MEGF8: variants seen among roughly 807,000 people sequenced by gnomAD.
The protein encoded by MEGF8 is multiple EGF like domains 8.
MEGF8 carries 156 observed loss-of-function variants against 302.9 expected under a neutral mutation model. That is an observed-to-expected ratio of 0.52 (90% CI 0.45 to 0.59). MEGF8 has a LOEUF of 0.59. Ranked by LOEUF, MEGF8 falls within the 20% of genes least tolerant of loss-of-function variation. MEGF8 has a pLI of 0.00. For synonymous variants in MEGF8, 1,621 were observed against 1,660.5 expected (o/e 0.98, Z 0.58); for missense variants, 3,345 against 3,964.5 (o/e 0.84, Z 4.20).
rs1483494832 is a variant in MEGF8, at chr19:42,375,366, G to A, written c.7270-141G>A. On this transcript the variant is annotated intron_variant, in intron 41 of 41. Transcript: ENST00000251268. The surrounding 1 kb of genome is among the most constrained non-coding windows in gnomAD (Gnocchi z 7.1). Reference sequence around the variant, plus strand: ...GCAGAGAAGGTCCGGGGGGTCACAGGGAAGTGACTGGGGCAGTGGGGGTGA... The same window carrying A: ...GCAGAGAAGGTCCGGGGGGTCACAGAGAAGTGACTGGGGCAGTGGGGGTGA... 2 of 878,512 alleles carry A rather than the reference G, an allele frequency of 2.3e-6. No individual in the cohort carries two copies. Among genetic ancestry groups the A allele is most frequent in the Non-Finnish European group, 3.4e-6 (2 of 590,608 alleles). The allele number at this position is 878,512 out of a possible 1,614,324, so 54.4% of individuals were successfully genotyped here.
intron 3 of MEGF8, 123 bp downstream of exon 3, chr19:42,334,336 G>A (rs1354116761): frequency 3.4e-5 from 28 of 820,264 alleles, no homozygotes; most frequent in East Asian, 8.7e-5. Flanking sequence ...ACCCTCCTCC[G>A]TGACACCCAC....
Position 42,376,671 on chromosome 19 carries a change from G to A in MEGF8, c.8434G>A (p.Glu2812Lys), listed in dbSNP as rs2039775247. ...CGTCACACTGCGGCACAGGCTGCAC[G>A]AGTACTGTGGGGGTGGTGGGGGTGC... Reference protein sequence around the residue: ...ALVTLRHRLHEYCGGGGGAGG... With the variant: ...ALVTLRHRLHKYCGGGGGAGG... The change falls in exon 42 of 42, where the codon GAG (glutamate) becomes AAG (lysine). Residue 2812 changes from glutamate (E) to lysine (K), a missense_variant. Glu to Lys is a moderately conservative substitution (Grantham distance 56, BLOSUM62 1). Coordinates refer to ENST00000251268, the MANE Select transcript of MEGF8 (RefSeq NM_001271938.2). The surrounding 1 kb of genome is among the most constrained non-coding windows in gnomAD (Gnocchi z 8.2). 13 of 1,529,160 alleles carry A rather than the reference G, an allele frequency of 8.5e-6. No individual in the cohort carries two copies. Among genetic ancestry groups the A allele is most frequent in the Non-Finnish European group, 1.1e-5 (13 of 1,138,474 alleles). The allele number at this position is 1,529,160 out of a possible 1,614,324, so 94.7% of individuals were successfully genotyped here. A position where few individuals can be genotyped will look rare whatever the true frequency, so the allele number is the denominator to read the frequency against.
At chr19:42,346,105 T>G (rs897785756) in intron 12 of MEGF8, among the ~76,000 whole-genome samples, 1 of 152,214 alleles carries the variant, frequency 6.6e-6, no homozygotes, top group Non-Finnish European at 1.5e-5. Flanking sequence ...TTTCACTGTG[T>G]TAGCCAGCAT....
At chr19:42,349,243 T>C (rs2039333417) in intron 13 of MEGF8, among the ~76,000 whole-genome samples, 1 of 145,430 alleles carries the variant, frequency 6.9e-6, no homozygotes, top group African/African-American at 2.6e-5. Flanking sequence ...GAGGCTGCAG[T>C]GAGCCATGAT....
At position 42,377,799 on chromosome 19, in the gene MEGF8, AAAATTT is replaced by A. The variant is rs1454667263; in HGVS notation, c.*1027_*1032del. 6.6e-6 allele frequency: 1 copy of A among 152,098 alleles called. No homozygotes were observed. Among genetic ancestry groups the A allele is most frequent in the Non-Finnish European group, 1.5e-5 (1 of 68,088 alleles). 9.4% of individuals were successfully genotyped at this position (152,098 alleles called of 1,614,324 possible). The stretch of plus-strand genomic sequence containing the variant: ...GAGACTCCACCTCAAAAAAAAAAAA[AAAATTT>A]AAGAGGTCACTCAGTTGTGCTGTGG... On this transcript the variant is annotated 3_prime_UTR_variant, in exon 42 of 42. Transcript: ENST00000251268.
At chr19:42,372,070 A>C (rs944985038) in intron 41 of MEGF8, among the ~76,000 whole-genome samples, 31 of 143,566 alleles carry the variant, frequency 2.2e-4, no homozygotes, top group African/African-American at 8.0e-4. Context: ...CAACAACAAC[A>C]ACAAACACAC....
Position 42,335,915 on chromosome 19 carries a change from T to C in MEGF8, c.829-16T>C. 6.9e-7 allele frequency: 1 copy of C among 1,453,916 alleles called. No homozygotes were observed. The highest frequency in any genetic ancestry group is 9.1e-7 in the Non-Finnish European group (1 of 1,104,216). 90.1% of individuals were successfully genotyped at this position (1,453,916 alleles called of 1,614,324 possible). On this transcript the variant is annotated splice_polypyrimidine_tract_variant and intron_variant, in intron 5 of 41. Coordinates refer to ENST00000251268, the MANE Select transcript of MEGF8 (RefSeq NM_001271938.2). ...TTGCTGTGTCTCTACCTCTGTCTCT[T>C]TTCTCTTCCTCACAGGCTGCCCGTC...
intron 35 of MEGF8, among the ~76,000 whole-genome samples, chr19:42,364,552 C>A (rs1020428914): frequency 6.6e-6 from 1 of 152,136 alleles, no homozygotes; most frequent in Non-Finnish European, 1.5e-5. Context: ...AACAGCACTT[C>A]GTGGAAATTC....
chr19:42,376,734 G>A lies in MEGF8; in HGVS notation c.8497G>A (p.Gly2833Arg), dbSNP rs1391488586. Reference sequence around the variant, plus strand: ...GCATGGGACTGGTGCGGGCCGGAAGGGACTGTTGAGCCAGGACAACCTCAC... The same window carrying A: ...GCATGGGACTGGTGCGGGCCGGAAGAGACTGTTGAGCCAGGACAACCTCAC... Reference protein sequence around the residue: ...SGHGTGAGRKGLLSQDNLTSM... With the variant: ...SGHGTGAGRKRLLSQDNLTSM... Residue 2833 changes from glycine to arginine, a missense_variant, in exon 42 of 42, where the codon GGA (glycine) becomes AGA (arginine). Gly to Arg is a moderately radical substitution (Grantham distance 125). Coordinates refer to ENST00000251268, the MANE Select transcript of MEGF8 (RefSeq NM_001271938.2). This position sits in a 1 kb window ranked among gnomAD's most constrained non-coding sequence, Gnocchi z 8.2. 2 of 1,474,652 alleles carry A rather than the reference G, an allele frequency of 1.4e-6. No homozygotes were observed. Among genetic ancestry groups the A allele is most frequent in the Admixed American group, 2.3e-5 (1 of 43,944 alleles). The allele number at this position is 1,474,652 out of a possible 1,614,324, so 91.3% of individuals were successfully genotyped here. A position where few individuals can be genotyped will look rare whatever the true frequency, so the allele number is the denominator to read the frequency against.
At chr19:42,333,079 A>G (rs1263134718) in intron 1 of MEGF8, among the ~76,000 whole-genome samples, 3 of 152,334 alleles carry the variant, frequency 2.0e-5, no homozygotes, top group Non-Finnish European at 2.9e-5. Context: ...GAGGGGAACT[A>G]TGCCGCTCCA....
intron 41 of MEGF8, among the ~76,000 whole-genome samples, chr19:42,374,069 C>T (rs948989673): frequency 6.6e-6 from 1 of 152,114 alleles, no homozygotes; most frequent in African/African-American, 2.4e-5. Context: ...GCGCCTGCCA[C>T]AGAGCTGGAT....
chr19:42,341,001 T>C (rs1357478308), intron 8 of MEGF8, among the ~76,000 whole-genome samples: 2 of 152,188 alleles, frequency 1.3e-5, no homozygotes, highest in Middle Eastern at 3.2e-3. Context: ...AGTCTTGTTC[T>C]GTTGCCCAAC....
chr19:42,368,982 G>A lies in MEGF8; in HGVS notation c.6621G>A (p.Lys2207=). 1 of 1,613,718 alleles carries A rather than the reference G, an allele frequency of 6.2e-7. No homozygotes were observed. Among genetic ancestry groups the A allele is most frequent in the Non-Finnish European group, 8.5e-7 (1 of 1,179,884 alleles). The change falls in exon 37 of 42, where the codon AAG becomes AAA. Residue 2207 remains lysine, a synonymous_variant. Transcript: ENST00000251268. This position sits in a 1 kb window ranked among gnomAD's most constrained non-coding sequence, Gnocchi z 4.9. ...DQPHGYECSC[K]TGYTMDNMTG... ...CCCACGGCTATGAGTGCAGCTGCAA[G>A]ACCGGCTATACCATGGACAAGTGAG... is the stretch of plus-strand genomic sequence containing the variant.
Position 42,375,502 on chromosome 19 carries a change from C to T in MEGF8, c.7270-5C>T, listed in dbSNP as rs988496641. ...GATGGTCACCGCCTCTAACCCTGCCCGCAGTGCGCCAAGTGCCGGGAATCA... is the reference window on the plus strand; with the variant it reads ...GATGGTCACCGCCTCTAACCCTGCCTGCAGTGCGCCAAGTGCCGGGAATCA... On this transcript the variant is annotated splice_polypyrimidine_tract_variant and splice_region_variant and intron_variant, in intron 41 of 41. Transcript: ENST00000251268. This position sits in a 1 kb window ranked among gnomAD's most constrained non-coding sequence, Gnocchi z 7.1. 1.2e-5 allele frequency: 19 copies of T among 1,571,528 alleles called. No individual in the cohort carries two copies. The highest frequency in any genetic ancestry group is 8.1e-5 in the African/African-American group (6 of 73,928).
chr19:42,369,088 C>A lies in MEGF8; in HGVS notation c.6641+86C>A. 1 of 1,514,606 alleles carries A rather than the reference C, an allele frequency of 6.6e-7. No homozygotes were observed. Among genetic ancestry groups the A allele is most frequent in the South Asian group, 1.2e-5 (1 of 80,796 alleles). 93.8% of individuals were successfully genotyped at this position (1,514,606 alleles called of 1,614,324 possible). A position where few individuals can be genotyped will look rare whatever the true frequency, so the allele number is the denominator to read the frequency against. ...GTAATGGATGAGGCCTAGAGCCAAG[C>A]AGGACAGAAGAAAAGAAAGCTCGAG... On this transcript the variant is annotated intron_variant, in intron 37 of 41. Coordinates refer to ENST00000251268, the MANE Select transcript of MEGF8 (RefSeq NM_001271938.2). The surrounding 1 kb of genome is among the most constrained non-coding windows in gnomAD (Gnocchi z 5.7).
chr19:42,326,385 G>GC lies in MEGF8; in HGVS notation c.143dup (p.Asn50GlnfsTer35). 1 of 1,584,042 alleles carries GC rather than the reference G, an allele frequency of 6.3e-7. No individual in the cohort carries two copies. The highest frequency in any genetic ancestry group is 8.6e-7 in the Non-Finnish European group (1 of 1,167,880). On this transcript the variant is annotated frameshift_variant, in exon 1 of 42. Coordinates refer to ENST00000251268, the MANE Select transcript of MEGF8 (RefSeq NM_001271938.2). LOFTEE classifies it high-confidence loss of function. ...GGCGCCAGGCTTCGTGACGGATGGT[G>GC]CGGGCAACTACAGCGTCAATGGCAA...
At chr19:42,329,829 G>A (rs560395034) in intron 1 of MEGF8, among the ~76,000 whole-genome samples, 40 of 150,726 alleles carry the variant, frequency 2.7e-4, no homozygotes, top group South Asian at 1.5e-3. Flanking sequence ...CCGAGATTGC[G>A]CTGCTATACT....
In MEGF8 at chr19:42,358,704, T is replaced by G; in HGVS notation, c.5176-83T>G. On this transcript the variant is annotated intron_variant, in intron 29 of 41. Transcript: ENST00000251268. This position sits in a 1 kb window ranked among gnomAD's most constrained non-coding sequence, Gnocchi z 4.4. ...GAGGCTGGTGGTTTCAGTCCACACG[T>G]TTCCAAGCCCGTCTTGGAGGCAGGG... 1.4e-6 allele frequency: 2 copies of G among 1,437,040 alleles called. No individual in the cohort carries two copies. Among genetic ancestry groups the G allele is most frequent in the Non-Finnish European group, 1.8e-6 (2 of 1,087,016 alleles). 89.0% of individuals were successfully genotyped at this position (1,437,040 alleles called of 1,614,324 possible).
At position 42,377,967 on chromosome 19, in the gene MEGF8, G is replaced by A. The variant is rs945315599; in HGVS notation, c.*1192G>A. ...TGGTGTGGATGTCAGGGTGAGGGAG[G>A]AGACAAAACCACGATGACCCCTAGC... is the stretch of plus-strand genomic sequence containing the variant. On this transcript the variant is annotated 3_prime_UTR_variant, in exon 42 of 42. Transcript: ENST00000251268. 6.6e-6 allele frequency: 1 copy of A among 152,004 alleles called. No individual in the cohort carries two copies. Among genetic ancestry groups the A allele is most frequent in the Non-Finnish European group, 1.5e-5 (1 of 68,042 alleles). 9.4% of individuals were successfully genotyped at this position (152,004 alleles called of 1,614,324 possible). A position where few individuals can be genotyped will look rare whatever the true frequency, so the allele number is the denominator to read the frequency against.
Sources: gnomAD v4.1 joint callset for allele counts (sites outside exome capture counted in the v4.1 genomes callset) on GRCh38, gnomAD v4.1.1 for gene constraint, Gnocchi (gnomAD v3.1) non-coding constraint, MANE v1.5 for transcripts, NCBI Gene and HGNC (gene_info 2026-07-23, HGNC 2026-07-21) for gene names.